Variants in LIPF observed in about 807,000 individuals in gnomAD.
LIPF encodes the protein lipase F, gastric type, also known as gastric triacylglycerol lipase.
In LIPF, 25 loss-of-function variants were observed where a neutral mutation model predicts 38.0. The ratio of observed to expected loss-of-function variants is 0.66; its 90% CI spans 0.48 to 0.92. The LOEUF (loss-of-function observed/expected upper bound fraction) is 0.92. LIPF is among the 40% of genes least tolerant of loss of function. The pLI is 0.00. For missense variants in LIPF, 410 were observed against 469.9 expected (o/e 0.87, Z 1.18); for synonymous variants, 161 against 156.2 (o/e 1.03, Z -0.23).
At position 88,678,762 on chromosome 10, in the gene LIPF, T is replaced by C. The variant is rs1350851166; in HGVS notation, c.*81T>C. ...CATAGTATTTTCATAATGTTTGACA[T>C]GCAGTGCTTCTTTCTGTAATTTTGA... On this transcript the variant is annotated 3_prime_UTR_variant, in exon 10 of 10. Coordinates refer to ENST00000238983, the MANE Select transcript of LIPF (RefSeq NM_004190.4). 4.6e-6 allele frequency: 4 copies of C among 874,472 alleles called. No individual in the cohort carries two copies. The highest frequency in any genetic ancestry group is 7.2e-6 in the Non-Finnish European group (4 of 553,824). 54.2% of individuals were successfully genotyped at this position (874,472 alleles called of 1,614,324 possible).
intron 5 of LIPF, among the ~76,000 whole-genome samples, chr10:88,670,459 G>A (rs1483998887): frequency 6.6e-6 from 1 of 152,142 alleles, no homozygotes; most frequent in East Asian, 1.9e-4. Flanking sequence ...GCACCAGAGG[G>A]GTTCACAGAA....
At chr10:88,667,762 T>C in intron 3 of LIPF, 76 bp downstream of exon 3, 1 of 653,158 alleles carries the variant, frequency 1.5e-6, no homozygotes, top group Non-Finnish European at 2.7e-6. Context: ...CCCTCTCTCC[T>C]TTCTTCCTCC....
At chr10:88,678,066 C>T (rs1471481946) in intron 9 of LIPF, among the ~76,000 whole-genome samples, 1 of 152,196 alleles carries the variant, frequency 6.6e-6, no homozygotes, top group African/African-American at 2.4e-5. Flanking sequence ...TTTCCCTTAG[C>T]TTGAGTTGCA....
chr10:88,671,458 G>T (rs1002098200), intron 5 of LIPF, among the ~76,000 whole-genome samples: 1 of 151,992 alleles, frequency 6.6e-6, no homozygotes, highest in Non-Finnish European at 1.5e-5. Flanking sequence ...CTCATATTAA[G>T]TGTTAATTAA....
chr10:88,672,662 A>ACTCTCTCTCTCT (rs1281006210), intron 6 of LIPF, among the ~76,000 whole-genome samples: 9 of 126,132 alleles, frequency 7.1e-5, no homozygotes, highest in African/African-American at 2.6e-4. Context: ...ACACACACAC[A>ACTCTCTCTCTCT]CACACACACT....
chr10:88,671,684 G>A, intron 5 of LIPF, 145 bp from the exon 6 acceptor site: 1 of 1,053,500 alleles, frequency 9.5e-7, no homozygotes, highest in Non-Finnish European at 1.3e-6. Flanking sequence ...TCTAATCACT[G>A]AGCCAGCAGA....
Position 88,668,649 on chromosome 10 carries a change from T to G in LIPF, c.315T>G (p.Ile105Met), listed in dbSNP as rs1348036624. 1.2e-6 allele frequency: 2 copies of G among 1,614,208 alleles called. No individual in the cohort carries two copies. The highest frequency in any genetic ancestry group is 2.7e-5 in the African/African-American group (2 of 75,064). ...SNLPNNSLAF[I>M]LADAGYDVWL... is the part of the protein sequence containing the mutation. ...TGCCGAACAACAGCCTTGCCTTCATTCTGGCAGATGCTGGTTATGATGTGT... is the reference window on the plus strand; with the variant it reads ...TGCCGAACAACAGCCTTGCCTTCATGCTGGCAGATGCTGGTTATGATGTGT... The change falls in exon 4 of 10, where the codon ATT becomes ATG. Residue 105 changes from isoleucine to methionine, a missense_variant. Physicochemically the swap from Ile to Met is conservative, Grantham distance 10. Transcript: ENST00000238983.
At chr10:88,675,698 C>T (rs375268976) in intron 8 of LIPF, 41 bp downstream of exon 8, 7 of 1,427,932 alleles carry the variant, frequency 4.9e-6, no homozygotes, top group Non-Finnish European at 6.9e-6. Flanking sequence ...TTTTGTGAGT[C>T]TCAACCCTTT....
intron 4 of LIPF, chr10:88,669,564 C>A: frequency 7.5e-6 from 2 of 266,004 alleles, no homozygotes; most frequent in Non-Finnish European, 1.4e-5. Context: ...TTAAATCTGA[C>A]ATTTCATTTC....
At chr10:88,665,507 T>C (rs1398114581) in intron 1 of LIPF, 1 of 1,530,662 alleles carries the variant, frequency 6.5e-7, no homozygotes, top group Admixed American at 2.0e-5. Context: ...TTGAGAAATT[T>C]ATTCTGCCCT....
Position 88,678,708 on chromosome 10 carries a change from G to T in LIPF, c.*27G>T, listed in dbSNP as rs775594962. On this transcript the variant is annotated 3_prime_UTR_variant, in exon 10 of 10. Coordinates refer to ENST00000238983, the MANE Select transcript of LIPF (RefSeq NM_004190.4). ...TCTGGATTTAAAGAATTATCCGTTT[G>T]TTTTTCCAAAATACTTTATTCTCTC... 13 of 1,477,524 alleles carry T rather than the reference G, an allele frequency of 8.8e-6. No individual in the cohort carries two copies. In the Admixed American group the frequency reaches 2.2e-4, roughly 25 times the overall value. 91.5% of individuals were successfully genotyped at this position (1,477,524 alleles called of 1,614,324 possible).
rs1304853063 is a variant in LIPF at position 88,678,800 on chromosome 10, A to T, written c.*119A>T. ...TCTGTAATTTTGACTTTAGAAATAT[A>T]TTGGCATCAACAAACTTCCATTTGT... On this transcript the variant is annotated 3_prime_UTR_variant, in exon 10 of 10. Coordinates refer to ENST00000238983, the MANE Select transcript of LIPF (RefSeq NM_004190.4). 1.5e-6 allele frequency: 1 copy of T among 658,720 alleles called. No homozygotes were observed. The highest frequency in any genetic ancestry group is 1.8e-5 in the African/African-American group (1 of 54,908). The allele number at this position is 658,720 out of a possible 1,614,324, so 40.8% of individuals were successfully genotyped here. A position where few individuals can be genotyped will look rare whatever the true frequency, so the allele number is the denominator to read the frequency against.
chr10:88,671,531 T>TA (rs1397468040), intron 5 of LIPF, among the ~76,000 whole-genome samples: 1 of 152,136 alleles, frequency 6.6e-6, no homozygotes, highest in Non-Finnish European at 1.5e-5. Context: ...AAGAAATTCA[T>TA]AAAAAAATTT....
rs200723368 is a variant in LIPF at position 88,678,431 on chromosome 10, C to T, written c.961-14C>T. ...GGTTACCTAAACTCTGGTTCTTTCT[C>T]TTGTGTTTTCTAGTCCCAACCTCCC... On this transcript the variant is annotated splice_polypyrimidine_tract_variant and intron_variant, in intron 9 of 9. Transcript: ENST00000238983. 1.3e-4 allele frequency: 202 copies of T among 1,589,236 alleles called. No individual in the cohort carries two copies. Among genetic ancestry groups the T allele is most frequent in the Non-Finnish European group, 1.7e-4 (191 of 1,157,504 alleles).
chr10:88,667,473 AT>A, intron 2 of LIPF, 71 bp downstream of exon 2: 1 of 1,066,128 alleles, frequency 9.4e-7, no homozygotes, highest in South Asian at 1.4e-5. Context: ...TGAGTTAAAG[AT>A]TTTATATGAC....
rs748930783 is a variant in LIPF at position 88,671,887 on chromosome 10, T to C, written c.591T>C (p.Ala197=). 1 of 1,613,658 alleles carries C rather than the reference T, an allele frequency of 6.2e-7. No individual in the cohort carries two copies. The highest frequency in any genetic ancestry group is 1.1e-5 in the South Asian group (1 of 90,954). ...CTAAAAGAATCAAAACCTTCTATGC[T>C]CTAGCTCCTGTTGCCACTGTGAAGT... The part of the protein sequence containing the change: ...SLAKRIKTFY[A]LAPVATVKYT... The change falls in exon 6 of 10, where the codon GCT becomes GCC. Residue 197 remains alanine (A), a synonymous_variant. Coordinates refer to ENST00000238983, the MANE Select transcript of LIPF (RefSeq NM_004190.4).
At chr10:88,673,768 A>G (rs746061766) in intron 7 of LIPF, 34 bp downstream of exon 7, 2 of 1,573,444 alleles carry the variant, frequency 1.3e-6, no homozygotes, top group South Asian at 1.1e-5. Flanking sequence ...TATTTTGAGC[A>G]ACATCTTTGA....
chr10:88,665,650 A>G, intron 1 of LIPF: 1 of 866,510 alleles, frequency 1.2e-6, no homozygotes, highest in East Asian at 2.7e-5. Flanking sequence ...TCTGGTTTGA[A>G]TGTTACAACA....
chr10:88,674,257 C>T (rs1256004162), intron 7 of LIPF, among the ~76,000 whole-genome samples: 2 of 152,170 alleles, frequency 1.3e-5, no homozygotes, highest in Non-Finnish European at 2.9e-5. Flanking sequence ...CAAGCTCCGC[C>T]TCTTGGGTTC....
Sources: gnomAD v4.1 joint callset for allele counts (sites outside exome capture counted in the v4.1 genomes callset) on GRCh38, gnomAD v4.1.1 for gene constraint, MANE v1.5 for transcripts, NCBI Gene and HGNC (gene_info 2026-07-23, HGNC 2026-07-21) for gene names.